Variants in ITGAE observed in about 807,000 individuals in gnomAD.
The protein encoded by ITGAE is integrin alpha-E.
A neutral mutation model predicts 136.5 loss-of-function variants in ITGAE; 99 were observed. The ratio of observed to expected loss-of-function variants is 0.73; its 90% CI spans 0.62 to 0.86. The LOEUF (loss-of-function observed/expected upper bound fraction) is 0.86. Ranked by LOEUF, ITGAE falls within the 40% of genes least tolerant of loss-of-function variation. The probability of loss-of-function intolerance (pLI) is 0.00; values close to 1 mark genes in which losing one functional copy is unlikely to be tolerated. For synonymous variants in ITGAE, 613 were observed against 591.8 expected, an observed-to-expected ratio of 1.04 and a Z score of -0.52; for missense variants, 1,447 against 1,515.3, an observed-to-expected ratio of 0.95 and a Z score of 0.75.
chr17:3,777,110 G>A (rs997665709), intron 2 of ITGAE, among the ~76,000 whole-genome samples: 8 of 152,048 alleles, frequency 5.3e-5, no homozygotes, highest in South Asian at 2.1e-4. Flanking sequence ...ACAGGCGCCC[G>A]CCTCCTCGCC....
chr17:3,754,191 A>G (rs548862628), intron 12 of ITGAE, among the ~76,000 whole-genome samples: 84 of 152,266 alleles, frequency 5.5e-4, no homozygotes, highest in Non-Finnish European at 1.0e-3. Context: ...GCACACATTC[A>G]CTACCCACGC....
intron 12 of ITGAE, among the ~76,000 whole-genome samples, chr17:3,754,376 A>G (rs940047661): frequency 1.3e-5 from 2 of 152,064 alleles, no homozygotes; most frequent in African/African-American, 4.8e-5. Context: ...GGTTCAAGCG[A>G]TTCTTGTGCC....
At chr17:3,733,925 T>C (rs2051402382) in intron 21 of ITGAE, among the ~76,000 whole-genome samples, 1 of 152,058 alleles carries the variant, frequency 6.6e-6, no homozygotes, top group South Asian at 2.1e-4. Context: ...TAATATGGAG[T>C]AGAAAGTTGA....
chr17:3,796,109 C>G (rs1245183411), intron 1 of ITGAE, among the ~76,000 whole-genome samples: 25 of 128,488 alleles, frequency 1.9e-4, no homozygotes, highest in Non-Finnish European at 2.8e-4. Context: ...GTGTGCATCC[C>G]TGTGTGCATC....
chr17:3,718,547 AT>A (rs1252355798), intron 29 of ITGAE, among the ~76,000 whole-genome samples: 1 of 152,216 alleles, frequency 6.6e-6, no homozygotes, highest in East Asian at 1.9e-4. Context: ...GCTGAAATGC[AT>A]TTGGATACAG....
chr17:3,795,872 C>T (rs1408811704), intron 1 of ITGAE, among the ~76,000 whole-genome samples: 2 of 129,858 alleles, frequency 1.5e-5, no homozygotes, highest in Admixed American at 7.9e-5. Flanking sequence ...CATGTGCATC[C>T]GTGTGCGTGT....
chr17:3,741,068 G>GTTTTTT (rs1447955211), intron 19 of ITGAE, among the ~76,000 whole-genome samples: 3 of 110,510 alleles, frequency 2.7e-5, no homozygotes, highest in Admixed American at 9.8e-5. Flanking sequence ...GTTTTTTGTT[G>GTTTTTT]TATTTTTTTT....
chr17:3,795,893 G>A (rs1468767345), intron 1 of ITGAE, among the ~76,000 whole-genome samples: 2 of 151,186 alleles, frequency 1.3e-5, no homozygotes, highest in Non-Finnish European at 2.9e-5. Context: ...GCATCCGTGT[G>A]TGTGCATCTG....
In ITGAE at chr17:3,757,835, G is replaced by A. The variant is rs775734779; in HGVS notation, c.891C>T (p.His297=). The change falls in exon 9 of 31, where the codon CAC becomes CAT. Residue 297 remains histidine (H), a synonymous_variant. Coordinates refer to ENST00000263087, the MANE Select transcript of ITGAE (RefSeq NM_002208.5). ...HVLDSIFTSS[H]GSRRKASKVM... The stretch of plus-strand genomic sequence containing the variant: ...CCTTGGATGCCTTTCTCCTGGAGCC[G>A]TGGCTTGAGGTGAAGATGCTGTCTC... 1.6e-5 allele frequency: 26 copies of A among 1,614,054 alleles called. No homozygotes were observed. The highest frequency in any genetic ancestry group is 3.3e-5 in the South Asian group (3 of 91,082).
chr17:3,745,351 A>G (rs1485178447), intron 18 of ITGAE, among the ~76,000 whole-genome samples: 2 of 151,868 alleles, frequency 1.3e-5, no homozygotes, highest in African/African-American at 4.8e-5. Context: ...TATTATTATT[A>G]TTATTTTGAG....
chr17:3,748,695 A>G (rs2051783221), intron 16 of ITGAE, among the ~76,000 whole-genome samples: 1 of 152,204 alleles, frequency 6.6e-6, no homozygotes, highest in Admixed American at 6.5e-5. Context: ...TGTTAACAAG[A>G]AAGAGCCAGC....
At chr17:3,733,508 A>G (rs1407855373) in intron 21 of ITGAE, among the ~76,000 whole-genome samples, 19 of 151,148 alleles carry the variant, frequency 1.3e-4, no homozygotes, top group African/African-American at 2.4e-5. Context: ...TCCAATCTCC[A>G]CCTCCGGGTT....
At chr17:3,719,355 A>G (rs1159185903) in intron 29 of ITGAE, among the ~76,000 whole-genome samples, 1 of 152,180 alleles carries the variant, frequency 6.6e-6, no homozygotes, top group Non-Finnish European at 1.5e-5. Context: ...CAGGGAGGAA[A>G]ACAGAGGACC....
At chr17:3,761,229 C>T (rs1432256521) in intron 5 of ITGAE, 52 bp from the exon 6 acceptor site, 1 of 1,587,812 alleles carries the variant, frequency 6.3e-7, no homozygotes, top group Admixed American at 1.7e-5. Context: ...CCATCCTCGC[C>T]TGAGCACGCT....
Position 3,753,919 on chromosome 17 carries a change from G to A in ITGAE, c.1391C>T (p.Ala464Val). The stretch of plus-strand genomic sequence containing the variant: ...GCAGGTCTTGTGCAGCACGGCCACA[G>A]CGTAACCTGGGGCAAGGGTGGTGTG... Reference protein sequence around the residue: ...EAAQYSYLGYAVAVLHKTCSL... With the variant: ...EAAQYSYLGYVVAVLHKTCSL... The change falls in exon 13 of 31, where the codon GCT becomes GTT. Residue 464 changes from alanine to valine, a missense_variant. By Grantham distance (64) the Ala-to-Val change is moderately conservative (BLOSUM62 0). Around this residue, in one of 3 missense-constraint regions of ITGAE, gnomAD observed 1,031 missense variants for 1,011.4 expected, o/e 1.02. Coordinates refer to ENST00000263087, the MANE Select transcript of ITGAE (RefSeq NM_002208.5). 1 of 1,613,876 alleles carries A rather than the reference G, an allele frequency of 6.2e-7. No homozygotes were observed. The highest frequency in any genetic ancestry group is 1.7e-4 in the Middle Eastern group (1 of 6,058).
intron 30 of ITGAE, among the ~76,000 whole-genome samples, chr17:3,716,170 CA>C (rs67665157): frequency 0.55 from 75,103 of 136,916 alleles, 19,931 homozygotes; most frequent in African/African-American, 0.65. Flanking sequence ...AACTCCGTCT[CA>C]AAAAAAAAAA....
rs1399849706 is a variant in ITGAE at position 3,739,871 on chromosome 17, T to C, written c.2456A>G (p.Tyr819Cys). 6.2e-6 allele frequency: 10 copies of C among 1,613,944 alleles called. No homozygotes were observed. Among genetic ancestry groups the C allele is most frequent in the South Asian group, 2.2e-5 (2 of 91,088 alleles). ...TEPFAIFQLP[Y>C]EKACKNKLFC... is the part of the protein sequence containing the mutation. ...CAGCTTATTCTTGCAGGCCTTCTCA[T>C]AGGGCAGCTGTAACCAGACAGAGAG... The change falls in exon 20 of 31, where the codon TAT (tyrosine) becomes TGT (cysteine). Residue 819 changes from tyrosine to cysteine, a missense_variant. Coordinates refer to ENST00000263087, the MANE Select transcript of ITGAE (RefSeq NM_002208.5).
At chr17:3,723,789 G>T in intron 26 of ITGAE, 45 bp from the exon 27 acceptor site, 1 of 1,598,826 alleles carries the variant, frequency 6.3e-7, no homozygotes, top group Non-Finnish European at 8.5e-7. Flanking sequence ...AAACCAAGCC[G>T]CCAGTTTTCC....
At chr17:3,722,835 T>G (rs2051084867) in intron 28 of ITGAE, among the ~76,000 whole-genome samples, 1 of 152,234 alleles carries the variant, frequency 6.6e-6, no homozygotes, top group Non-Finnish European at 1.5e-5. Flanking sequence ...TGGCACAATC[T>G]AATGTCTGCT....
Sources: gnomAD v4.1 joint callset for allele counts (sites outside exome capture counted in the v4.1 genomes callset) on GRCh38, gnomAD v4.1.1 for gene constraint, gnomAD v4.1.1 regional missense constraint, MANE v1.5 for transcripts, NCBI Gene and HGNC (gene_info 2026-07-23, HGNC 2026-07-21) for gene names.